NCAM1: variants seen among roughly 807,000 people sequenced by gnomAD.
The protein encoded by NCAM1 is neural cell adhesion molecule 1.
In NCAM1, 14 loss-of-function variants were observed where a neutral mutation model predicts 109.8. The observed-to-expected ratio is 0.13, with a 90% CI of 0.08 to 0.20. The LOEUF is 0.20. Among genes scored for constraint, NCAM1 ranks in the 10% least tolerant of loss-of-function variants. The probability of loss-of-function intolerance (pLI) is 1.00; values close to 1 mark genes in which losing one functional copy is unlikely to be tolerated. For synonymous variants in NCAM1, 418 were observed against 442.9 expected, an observed-to-expected ratio of 0.94 and a Z score of 0.70; for missense variants, 774 against 1,109.9, an observed-to-expected ratio of 0.70 and a Z score of 4.30.
chr11:113,178,523 G>GTCTCGCCTC (rs1943238435), intron 1 of NCAM1, among the ~76,000 whole-genome samples: 1 of 152,192 alleles, frequency 6.6e-6, no homozygotes, highest in South Asian at 2.1e-4. Flanking sequence ...CATATCCGTG[G>GTCTCGCCTC]ACTCTGATGA....
rs1555115317 is a variant in NCAM1 at position 113,221,626 on chromosome 11, C to T, written c.1089+301C>T. The T allele has an allele frequency of 1.4e-5, 4 of 296,250 alleles. No homozygotes were observed. The South Asian group carries it at 2.3e-4, about 17-fold the overall frequency. The allele number at this position is 296,250 out of a possible 1,614,324, so 18.4% of individuals were successfully genotyped here. ...AAATAAATTGCCCCCAATTCCCAGG[C>T]CAGGCATTTTGAAATGGTGAAAGTT... On this transcript the variant is annotated intron_variant, in intron 9 of 19. Transcript: ENST00000316851.
intron 1 of NCAM1, among the ~76,000 whole-genome samples, chr11:113,048,680 G>A (rs1953354782): frequency 6.6e-6 from 1 of 152,180 alleles, no homozygotes; most frequent in Admixed American, 6.5e-5. Context: ...GTGTTAAGGA[G>A]TATGGACTTT....
At chr11:113,003,524 A>G (rs1951810395) in intron 1 of NCAM1, among the ~76,000 whole-genome samples, 1 of 152,182 alleles carries the variant, frequency 6.6e-6, no homozygotes, top group South Asian at 2.1e-4. Context: ...CCACTATATC[A>G]TTAGGGTGAA....
intron 1 of NCAM1, among the ~76,000 whole-genome samples, chr11:113,194,675 C>T (rs893996074): frequency 4.6e-5 from 7 of 152,280 alleles, no homozygotes; most frequent in African/African-American, 1.2e-4. Flanking sequence ...TCTTTCCCTC[C>T]GCCTTTTGTC....
At chr11:113,234,535 A>G (rs979781665) in intron 13 of NCAM1, among the ~76,000 whole-genome samples, 2 of 152,202 alleles carry the variant, frequency 1.3e-5, no homozygotes, top group African/African-American at 4.8e-5. Context: ...AAGTGGACTC[A>G]TATGGCATTT....
In NCAM1 at chr11:113,069,981, G is replaced by A. The variant is rs80140469; in HGVS notation, c.52+108317G>A. On this transcript the variant is annotated intron_variant, in intron 1 of 19. Coordinates refer to ENST00000316851, the MANE Select transcript of NCAM1 (RefSeq NM_181351.5). ...CAGGAGGATTTGTCCAGCAAAAAATGCAAATACGGCCCTGGCACTCCCACA... is the reference window on the plus strand; with the variant it reads ...CAGGAGGATTTGTCCAGCAAAAAATACAAATACGGCCCTGGCACTCCCACA... 6.9e-3 allele frequency among the ~76,000 whole-genome samples: 1,043 copies of A among 152,182 alleles called. 11 individuals carry two copies. The highest frequency in any genetic ancestry group is 0.024 in the African/African-American group (990 of 41,514).
At chr11:113,128,909 GTGT>G (rs369424979) in intron 1 of NCAM1, among the ~76,000 whole-genome samples, 40,881 of 110,536 alleles carry the variant, frequency 0.37, 5,992 homozygotes, top group East Asian at 0.52. Context: ...TTGTGAGGGT[GTGT>G]GTGTGTGTGT....
At chr11:113,222,740 A>T (rs539265533) in intron 9 of NCAM1, among the ~76,000 whole-genome samples, 2 of 152,150 alleles carry the variant, frequency 1.3e-5, no homozygotes, top group Admixed American at 1.3e-4. Context: ...TTTATCAGGG[A>T]GCATTAAGGA....
In NCAM1 at chr11:113,221,342, C is replaced by A; in HGVS notation, c.1089+17C>A. The A allele has an allele frequency of 2.6e-6, 4 of 1,566,524 alleles. No homozygotes were observed. Among genetic ancestry groups the A allele is most frequent in the African/African-American group, 1.3e-5 (1 of 74,156 alleles). ...AAGCAAGAGGTATAGCTTACCTGAC[C>A]ACTAGCCAGTCTTTAGTTTTGAAAG... On this transcript the variant is annotated intron_variant, in intron 9 of 19. Transcript: ENST00000316851.
intron 1 of NCAM1, among the ~76,000 whole-genome samples, chr11:113,081,796 A>G (rs1304670567): frequency 6.6e-6 from 1 of 152,128 alleles, no homozygotes; most frequent in African/African-American, 2.4e-5. Context: ...AGCCTCCCAG[A>G]GTGTTGGGAC....
intron 1 of NCAM1, among the ~76,000 whole-genome samples, chr11:113,044,136 T>C (rs1462107049): frequency 2.0e-5 from 3 of 152,162 alleles, no homozygotes; most frequent in Admixed American, 1.3e-4. Flanking sequence ...GCAAGGAGGA[T>C]ACTCTGCCTG....
chr11:112,985,783 T>G (rs1591215747), intron 1 of NCAM1, among the ~76,000 whole-genome samples: 1 of 152,132 alleles, frequency 6.6e-6, no homozygotes, highest in African/African-American at 2.4e-5. Context: ...CTGAATTTGT[T>G]TATTCTAACA....
chr11:112,967,199 CT>C (rs1478828056), intron 1 of NCAM1, among the ~76,000 whole-genome samples: 5 of 152,122 alleles, frequency 3.3e-5, no homozygotes, highest in Admixed American at 1.3e-4. Flanking sequence ...TGTAAAATGC[CT>C]TTTGTTGTAC....
At chr11:113,175,423 A>G (rs1286707615) in intron 1 of NCAM1, among the ~76,000 whole-genome samples, 2 of 152,242 alleles carry the variant, frequency 1.3e-5, no homozygotes, top group Non-Finnish European at 1.5e-5. Flanking sequence ...TTGGTTACAT[A>G]TATGTCATTG....
At chr11:113,216,154 T>A (rs1488036315) in intron 8 of NCAM1, among the ~76,000 whole-genome samples, 2 of 145,860 alleles carry the variant, frequency 1.4e-5, no homozygotes, top group Non-Finnish European at 3.0e-5. Context: ...TCATTTTTTT[T>A]TTTTTTTTTT....
chr11:112,966,224 A>G (rs1347177348), intron 1 of NCAM1, among the ~76,000 whole-genome samples: 1 of 152,246 alleles, frequency 6.6e-6, no homozygotes, highest in African/African-American at 2.4e-5. Flanking sequence ...AACATTAATC[A>G]CGTGGCTGTA....
At chr11:113,158,338 T>C (rs538084388) in intron 1 of NCAM1, among the ~76,000 whole-genome samples, 1 of 152,326 alleles carries the variant, frequency 6.6e-6, no homozygotes, top group South Asian at 2.1e-4. Context: ...TAACTTTGTT[T>C]CTCTGTCAGT....
At chr11:113,229,360 A>C (rs991591189) in intron 9 of NCAM1, among the ~76,000 whole-genome samples, 3 of 152,260 alleles carry the variant, frequency 2.0e-5, no homozygotes, top group Non-Finnish European at 4.4e-5. Context: ...CATCAGAGAA[A>C]TGCAAATCAA....
chr11:113,103,196 G>T (rs1591327083), intron 1 of NCAM1, among the ~76,000 whole-genome samples: 1 of 152,144 alleles, frequency 6.6e-6, no homozygotes, highest in East Asian at 1.9e-4. Context: ...TATTTCCCTA[G>T]TTGAATCATT....
Sources: allele counts gnomAD v4.1 joint callset (sites outside exome capture counted in the v4.1 genomes callset), GRCh38; gene constraint gnomAD v4.1.1; transcripts MANE v1.5; gene names NCBI Gene and HGNC (gene_info 2026-07-23, HGNC 2026-07-21).